Variants in EPS15 observed in about 807,000 individuals in gnomAD.
EPS15 encodes the protein epidermal growth factor receptor substrate 15.
EPS15 carries 72 observed loss-of-function variants against 113.8 expected under a neutral mutation model. That is an observed-to-expected ratio of 0.63 (90% CI 0.52 to 0.77). The LOEUF (loss-of-function observed/expected upper bound fraction) is 0.77. Among genes scored for constraint, EPS15 ranks in the 30% least tolerant of loss-of-function variants. The probability of loss-of-function intolerance (pLI) is 0.00; values close to 1 mark genes in which losing one functional copy is unlikely to be tolerated. For synonymous variants in EPS15, 344 were observed against 363.4 expected, an observed-to-expected ratio of 0.95 and a Z score of 0.61; for missense variants, 1,048 against 1,045.8, an observed-to-expected ratio of 1.00 and a Z score of -0.03.
intron 12 of EPS15, among the ~76,000 whole-genome samples, chr1:51,438,687 A>G (rs547454588): frequency 1.3e-5 from 2 of 152,274 alleles, no homozygotes; most frequent in African/African-American, 4.8e-5. Flanking sequence ...CCACATGAAA[A>G]TGAACAGTAT....
At chr1:51,376,861 T>C (rs1646812427) in intron 21 of EPS15, among the ~76,000 whole-genome samples, 1 of 152,162 alleles carries the variant, frequency 6.6e-6, no homozygotes, top group Non-Finnish European at 1.5e-5. Flanking sequence ...ATTTAAGAAA[T>C]ACACTTTATA....
chr1:51,471,505 A>C (rs1655235530), intron 4 of EPS15, among the ~76,000 whole-genome samples, 185 bp downstream of exon 4: 1 of 152,202 alleles, frequency 6.6e-6, no homozygotes, highest in Non-Finnish European at 1.5e-5. Flanking sequence ...CACCAAACTC[A>C]CACTAACTGT....
At chr1:51,358,163 G>T (rs1454537990) in intron 24 of EPS15, among the ~76,000 whole-genome samples, 4 of 152,114 alleles carry the variant, frequency 2.6e-5, no homozygotes, top group African/African-American at 9.7e-5. Context: ...AATTAGCCAG[G>T]TGTGGTGGTG....
At chr1:51,506,509 G>GT (rs1644501260) in intron 1 of EPS15, among the ~76,000 whole-genome samples, 1 of 151,932 alleles carries the variant, frequency 6.6e-6, no homozygotes, top group Non-Finnish European at 1.5e-5. Context: ...GTTTATGAGG[G>GT]TTTTTTTGGT....
rs193145911 is a variant in EPS15, at chr1:51,389,402, C to A, written c.2119+4979G>T. Reference sequence around the variant, plus strand: ...AAACTGCAAGCATTCCCCTTGAAAACTGGCACAAGACAGGGATGCCCTCTC... The same window carrying A: ...AAACTGCAAGCATTCCCCTTGAAAAATGGCACAAGACAGGGATGCCCTCTC... On this transcript the variant is annotated intron_variant, in intron 21 of 24. Coordinates refer to ENST00000371733, the MANE Select transcript of EPS15 (RefSeq NM_001981.3). Among the ~76,000 whole-genome samples the A allele has an allele frequency of 8.3e-3, 1,269 of 152,326 alleles. 18 individuals are homozygous for A. Among genetic ancestry groups the A allele is most frequent in the African/African-American group, 0.028 (1,157 of 41,566 alleles).
At chr1:51,489,286 C>CATATATATATATATATATATATATAT (rs71063034) in intron 1 of EPS15, among the ~76,000 whole-genome samples, 12 of 141,734 alleles carry the variant, frequency 8.5e-5, no homozygotes, top group African/African-American at 2.9e-4. Flanking sequence ...CCTAGTATAC[C>CATATATATATATATATATATATATAT]ATATATATAT....
intron 19 of EPS15, 70 bp downstream of exon 19, chr1:51,400,848 C>G (rs1208616467): frequency 4.0e-6 from 4 of 1,008,944 alleles, no homozygotes; most frequent in Non-Finnish European, 5.8e-6. Flanking sequence ...AGTTTCAGAC[C>G]TAAATAACAT....
chr1:51,367,304 C>A (rs1646529041), intron 21 of EPS15, among the ~76,000 whole-genome samples: 1 of 152,176 alleles, frequency 6.6e-6, no homozygotes, highest in East Asian at 1.9e-4. Flanking sequence ...GTAATCCCAG[C>A]ACTTTGGGAA....
Position 51,409,531 on chromosome 1 carries a change from T to C in EPS15, c.1275+4A>G. The C allele has an allele frequency of 6.2e-7, 1 of 1,606,086 alleles. No homozygotes were observed. Among genetic ancestry groups the C allele is most frequent in the Non-Finnish European group, 8.5e-7 (1 of 1,177,970 alleles). ...GCAGGCAGCAGGAAACAGCCAGACA[T>C]TACCAGTTGGGCCTCCTCAGCACAT... On this transcript the variant is annotated splice_donor_region_variant and intron_variant, in intron 14 of 24. Transcript: ENST00000371733.
intron 20 of EPS15, among the ~76,000 whole-genome samples, chr1:51,395,595 A>G (rs1160617168): frequency 2.6e-5 from 4 of 152,214 alleles, no homozygotes; most frequent in African/African-American, 9.6e-5. Context: ...AAGCTATGTA[A>G]AAGTCTGGGA....
At chr1:51,421,489 A>G (rs1650750036) in intron 13 of EPS15, among the ~76,000 whole-genome samples, 5 of 152,114 alleles carry the variant, frequency 3.3e-5, no homozygotes, top group Admixed American at 2.6e-4. Context: ...TTAACATTGT[A>G]AGTCATGCAA....
In EPS15 at chr1:51,403,549, C is replaced by A; in HGVS notation, c.1678-17G>T. 7.3e-7 allele frequency: 1 copy of A among 1,378,440 alleles called. No individual in the cohort carries two copies. Among genetic ancestry groups the A allele is most frequent in the Non-Finnish European group, 1.0e-6 (1 of 990,214 alleles). 85.4% of individuals were successfully genotyped at this position (1,378,440 alleles called of 1,614,324 possible). On this transcript the variant is annotated splice_polypyrimidine_tract_variant and intron_variant, in intron 16 of 24. Coordinates refer to ENST00000371733, the MANE Select transcript of EPS15 (RefSeq NM_001981.3). ...ACTTCTTGCCTACAAAATATTAATG[C>A]AAGTAGATTAACAATATACTTTTTG...
intron 12 of EPS15, among the ~76,000 whole-genome samples, chr1:51,432,521 A>C (rs534545793): frequency 1.3e-5 from 2 of 152,270 alleles, no homozygotes; most frequent in South Asian, 4.1e-4. Flanking sequence ...AAAAGAAATG[A>C]GTGAAATTTA....
intron 13 of EPS15, among the ~76,000 whole-genome samples, chr1:51,412,341 G>A (rs1197291207): frequency 3.3e-5 from 5 of 152,086 alleles, no homozygotes; most frequent in African/African-American, 7.2e-5. Context: ...AAACCTGTAC[G>A]TTCCACACAT....
chr1:51,491,739 C>T (rs146966542), intron 1 of EPS15, among the ~76,000 whole-genome samples: 372 of 152,144 alleles, frequency 2.4e-3, no homozygotes, highest in Non-Finnish European at 3.8e-3. Flanking sequence ...CCTGGGCAGT[C>T]CTCACCTTTA....
At chr1:51,471,584 T>C in intron 4 of EPS15, 106 bp downstream of exon 4, 1 of 861,242 alleles carries the variant, frequency 1.2e-6, no homozygotes, top group Non-Finnish European at 1.9e-6. Context: ...AAAACTCTAA[T>C]GTTGGTAAAA....
At chr1:51,357,408 ATATATATATATATATATAT>A (rs1557761398) in intron 24 of EPS15, among the ~76,000 whole-genome samples, 11 of 57,270 alleles carry the variant, frequency 1.9e-4, no homozygotes, top group African/African-American at 4.9e-4. Flanking sequence ...ATATATATAT[ATATATATATATATATATAT>A]TTTTTTTTTT....
chr1:51,508,338 G>GAGAGAGAAAGAAAGAA, intron 1 of EPS15, among the ~76,000 whole-genome samples: 1 of 122,332 alleles, frequency 8.2e-6, no homozygotes, highest in East Asian at 2.3e-4. Context: ...AAGAGAAAGA[G>GAGAGAGAAAGAAAGAA]AGAAAGAAAG....
chr1:51,431,599 C>A (rs1266546567), intron 12 of EPS15, among the ~76,000 whole-genome samples: 1 of 152,006 alleles, frequency 6.6e-6, no homozygotes, highest in Non-Finnish European at 1.5e-5. Context: ...GTGTGCACCA[C>A]CACGCCCGAC....
Sources: allele counts gnomAD v4.1 joint callset (sites outside exome capture counted in the v4.1 genomes callset), GRCh38; gene constraint gnomAD v4.1.1; transcripts MANE v1.5; gene names NCBI Gene and HGNC (gene_info 2026-07-23, HGNC 2026-07-21).